The following PRKCA variants were observed in gnomAD, a reference collection of about 807,000 sequenced individuals.
PRKCA encodes protein kinase C alpha type.
In PRKCA, 27 loss-of-function variants were observed where a neutral mutation model predicts 87.0. The ratio of observed to expected loss-of-function variants is 0.31; its 90% CI spans 0.23 to 0.43. The LOEUF is 0.43. Ranked by LOEUF, PRKCA falls within the 20% of genes least tolerant of loss-of-function variation. The pLI is 1.00. For missense variants in PRKCA, 518 were observed against 852.3 expected (o/e 0.61, Z 4.88); for synonymous variants, 329 against 311.1 (o/e 1.06, Z -0.61).
intron 2 of PRKCA, among the ~76,000 whole-genome samples, chr17:66,414,086 T>C (rs1343941436): frequency 6.6e-6 from 1 of 151,182 alleles, no homozygotes; most frequent in Admixed American, 6.6e-5. Flanking sequence ...TTTCCCTATC[T>C]ATTTATAAGG....
chr17:66,796,424 C>A (rs1975670740), intron 16 of PRKCA: 1 of 984,866 alleles, frequency 1.0e-6, no homozygotes. Flanking sequence ...CAAATCCTCT[C>A]CTTTGTCCGT....
At chr17:66,357,453 A>G (rs996865637) in intron 2 of PRKCA, among the ~76,000 whole-genome samples, 29 of 152,346 alleles carry the variant, frequency 1.9e-4, no homozygotes, top group African/African-American at 5.0e-4. Flanking sequence ...ATGTATTATA[A>G]TATGCAATTT....
chr17:66,696,556 A>G (rs1178488578), intron 8 of PRKCA: 1 of 152,218 alleles, frequency 6.6e-6, no homozygotes. Context: ...TATATGAAAT[A>G]GACATGATTT....
intron 3 of PRKCA, among the ~76,000 whole-genome samples, chr17:66,540,315 T>C (rs908150): frequency 0.51 from 77,126 of 151,800 alleles, 20,598 homozygotes; most frequent in African/African-American, 0.68. Context: ...CAGCGGAGAG[T>C]CTGGAGCCCT....
chr17:66,372,756 G>A (rs2143542990), intron 2 of PRKCA, among the ~76,000 whole-genome samples: 1 of 152,240 alleles, frequency 6.6e-6, no homozygotes, highest in African/African-American at 2.4e-5. Flanking sequence ...TAAACTGGCA[G>A]CAATCTAAAA....
intron 3 of PRKCA, among the ~76,000 whole-genome samples, chr17:66,559,616 A>C (rs572918301): frequency 6.6e-6 from 1 of 151,380 alleles, no homozygotes; most frequent in East Asian, 1.9e-4. Flanking sequence ...CTGTCCAATA[A>C]GGCAAATTTT....
chr17:66,662,342 A>G (rs536115651), intron 5 of PRKCA, among the ~76,000 whole-genome samples: 44 of 152,200 alleles, frequency 2.9e-4, no homozygotes, highest in African/African-American at 1.0e-3. Flanking sequence ...GCTCTACAAC[A>G]TTGGCTGTCT....
At chr17:66,706,165 C>G (rs890549702) in intron 8 of PRKCA, among the ~76,000 whole-genome samples, 2 of 152,144 alleles carry the variant, frequency 1.3e-5, no homozygotes, top group African/African-American at 4.8e-5. Flanking sequence ...TTGAGAAATG[C>G]TGGTCAAGAA....
chr17:66,390,185 G>A lies in PRKCA; in HGVS notation c.205+84058G>A, dbSNP rs118145096. ...TGCAGTGACCTGAGATTACATCCTT[G>A]TACTCTAGCCTGAGCAATAAGAGTG... On this transcript the variant is annotated intron_variant, in intron 2 of 16. Coordinates refer to ENST00000413366, the MANE Select transcript of PRKCA (RefSeq NM_002737.3). Among the ~76,000 whole-genome samples, 31 of 151,994 alleles carry A rather than the reference G, an allele frequency of 2.0e-4. No individual in the cohort carries two copies. The East Asian group carries it at 5.8e-3, about 29-fold the overall frequency.
intron 8 of PRKCA, among the ~76,000 whole-genome samples, chr17:66,727,010 C>T (rs1973769050): frequency 6.6e-6 from 1 of 152,162 alleles, no homozygotes; most frequent in Non-Finnish European, 1.5e-5. Flanking sequence ...AGGCTTGAGC[C>T]ACCGTGCCTG....
chr17:66,462,100 G>A (rs1039243381), intron 2 of PRKCA, among the ~76,000 whole-genome samples: 5 of 152,106 alleles, frequency 3.3e-5, no homozygotes, highest in Admixed American at 6.5e-5. Flanking sequence ...TCTTTTAAAC[G>A]TCGGGTCTGC....
At chr17:66,420,002 CT>C (rs558522698) in intron 2 of PRKCA, among the ~76,000 whole-genome samples, 13,617 of 113,692 alleles carry the variant, frequency 0.12, 680 homozygotes, top group South Asian at 0.16. Context: ...GGGTTGTGTT[CT>C]TTTTTTTTTT....
At chr17:66,587,917 A>G (rs868203833) in intron 3 of PRKCA, among the ~76,000 whole-genome samples, 3,430 of 132,594 alleles carry the variant, frequency 0.026, 433 homozygotes, top group African/African-American at 0.096. Flanking sequence ...ATATATATAT[A>G]TATATATATA....
At chr17:66,540,113 G>A (rs1159840821) in intron 3 of PRKCA, among the ~76,000 whole-genome samples, 2 of 152,180 alleles carry the variant, frequency 1.3e-5, no homozygotes, top group African/African-American at 2.4e-5. Flanking sequence ...TTTCCCCATT[G>A]GGAACCCTAG....
At chr17:66,785,490 G>A (rs1598942069) in intron 14 of PRKCA, among the ~76,000 whole-genome samples, 1 of 152,154 alleles carries the variant, frequency 6.6e-6, no homozygotes, top group South Asian at 2.1e-4. Flanking sequence ...ACAAGCGCTG[G>A]TCCTTGCTCT....
Position 66,807,401 on chromosome 17 carries a change from C to T in PRKCA, c.*3364C>T, listed in dbSNP as rs908422999. ...CTCTTGGCATTTCAATTGAAGGTCA[C>T]CAGGTGCTGGGTTTGAAAGGAAGTC... On this transcript the variant is annotated 3_prime_UTR_variant, in exon 17 of 17. Transcript: ENST00000413366. The surrounding 1 kb of genome is among the most constrained non-coding windows in gnomAD (Gnocchi z 4.3). 7.5e-4 allele frequency: 114 copies of T among 152,360 alleles called. No individual in the cohort carries two copies. Among genetic ancestry groups the T allele is most frequent in the African/African-American group, 2.5e-3 (105 of 41,580 alleles). The allele number at this position is 152,360 out of a possible 1,614,324, so 9.4% of individuals were successfully genotyped here. A position where few individuals can be genotyped will look rare whatever the true frequency, so the allele number is the denominator to read the frequency against.
intron 2 of PRKCA, among the ~76,000 whole-genome samples, chr17:66,436,243 AG>A (rs955369559): frequency 2.0e-5 from 3 of 152,202 alleles, no homozygotes; most frequent in Admixed American, 2.0e-4. Context: ...ATGACTTAGC[AG>A]GGGGAAGTCT....
chr17:66,714,942 G>A (rs531336202), intron 8 of PRKCA, among the ~76,000 whole-genome samples: 2 of 152,284 alleles, frequency 1.3e-5, no homozygotes, highest in South Asian at 2.1e-4. Flanking sequence ...AAAAACTGGT[G>A]TGGATTAAAA....
chr17:66,304,859 G>C (rs1355618688), intron 1 of PRKCA, among the ~76,000 whole-genome samples: 1 of 91,932 alleles, frequency 1.1e-5, no homozygotes, highest in Non-Finnish European at 2.2e-5. Context: ...AGGGCAAAGA[G>C]AATATTGCAT....
Sources: allele counts gnomAD v4.1 joint callset (sites outside exome capture counted in the v4.1 genomes callset), GRCh38; gene constraint gnomAD v4.1.1; non-coding constraint Gnocchi (gnomAD v3.1); transcripts MANE v1.5; gene names NCBI Gene and HGNC (gene_info 2026-07-23, HGNC 2026-07-21).